Variants in SIN3B observed in about 807,000 individuals in gnomAD.
The protein encoded by SIN3B is paired amphipathic helix protein Sin3b.
SIN3B carries 19 observed loss-of-function variants against 120.2 expected under a neutral mutation model. The ratio of observed to expected loss-of-function variants is 0.16; its 90% CI spans 0.11 to 0.23. The LOEUF (loss-of-function observed/expected upper bound fraction) is 0.23. Ranked by LOEUF, SIN3B falls within the 10% of genes least tolerant of loss-of-function variation. SIN3B has a pLI of 1.00. For synonymous variants in SIN3B, 654 were observed against 653.2 expected (o/e 1.00, Z -0.02); for missense variants, 1,073 against 1,573.0 (o/e 0.68, Z 5.38).
intron 3 of SIN3B, among the ~76,000 whole-genome samples, chr19:16,839,916 A>AT (rs1469668313): frequency 3.3e-5 from 5 of 152,072 alleles, no homozygotes; most frequent in African/African-American, 1.2e-4. Context: ...ACTCAGGAGA[A>AT]TCACTTGAAC....
chr19:16,842,016 T>C, intron 4 of SIN3B, 48 bp downstream of exon 4: 3 of 1,431,496 alleles, frequency 2.1e-6, no homozygotes, highest in Non-Finnish European at 2.9e-6. Context: ...TTTCATCCAG[T>C]TTGGGGCCCT....
At chr19:16,836,124 G>A (rs1249812521) in intron 3 of SIN3B, among the ~76,000 whole-genome samples, 1 of 152,150 alleles carries the variant, frequency 6.6e-6, no homozygotes, top group Non-Finnish European at 1.5e-5. Context: ...CAGCTTTGGG[G>A]GCCAGACTGT....
Position 16,876,373 on chromosome 19 carries a change from G to A in SIN3B, c.2767-113G>A. 7.2e-7 allele frequency: 1 copy of A among 1,383,624 alleles called. No individual in the cohort carries two copies. Among genetic ancestry groups the A allele is most frequent in the Non-Finnish European group, 9.9e-7 (1 of 1,007,328 alleles). 85.7% of individuals were successfully genotyped at this position (1,383,624 alleles called of 1,614,324 possible). ...ATGAGGTACCTTTGACCTGCAGGAAGCATCAGGGCTTTGGGAGGGTGGCAA... is the reference window on the plus strand; with the variant it reads ...ATGAGGTACCTTTGACCTGCAGGAAACATCAGGGCTTTGGGAGGGTGGCAA... On this transcript the variant is annotated intron_variant, in intron 15 of 18. Transcript: ENST00000248054. This position sits in a 1 kb window ranked among gnomAD's most constrained non-coding sequence, Gnocchi z 7.1.
intron 4 of SIN3B, chr19:16,844,171 C>T (rs562463861): frequency 1.3e-5 from 2 of 152,250 alleles, no homozygotes; most frequent in African/African-American, 2.4e-5. Context: ...TAAACAAGGC[C>T]CCTGGTGACT....
intron 4 of SIN3B, among the ~76,000 whole-genome samples, chr19:16,844,911 A>G (rs1971461055): frequency 6.6e-6 from 1 of 152,174 alleles, no homozygotes; most frequent in African/African-American, 2.4e-5. Context: ...GCTGGCCCCT[A>G]GCACAGGGGA....
chr19:16,852,843 C>G (rs16981445), intron 6 of SIN3B, among the ~76,000 whole-genome samples: 1,582 of 152,290 alleles, frequency 0.01, 26 homozygotes, highest in African/African-American at 0.035. Flanking sequence ...CAAAGCCCTA[C>G]CCTGCTGAGA....
At chr19:16,841,697 G>T in intron 3 of SIN3B, 71 bp from the exon 4 acceptor site, 6 of 1,407,186 alleles carry the variant, frequency 4.3e-6, no homozygotes, top group Non-Finnish European at 6.0e-6. Context: ...GCAGACAGTG[G>T]CTGGGCCTGG....
chr19:16,874,966 C>T (rs1429570166), intron 14 of SIN3B, among the ~76,000 whole-genome samples: 4 of 143,464 alleles, frequency 2.8e-5, no homozygotes, highest in Non-Finnish European at 4.5e-5. Flanking sequence ...TGGTTTTGGT[C>T]TGGTCTGATT....
rs2051650883 is a variant in SIN3B, at chr19:16,878,817, TGA to T, written c.*94_*95del. ...GTCGGGGCCGTTTTCTTGAACGACG[TGA>T]GAGGCATCTCCCAGCCCCTCTGCTG... On this transcript the variant is annotated 3_prime_UTR_variant, in exon 19 of 19. Coordinates refer to ENST00000248054, the MANE Select transcript of SIN3B (RefSeq NM_001297595.2). The T allele has an allele frequency of 1.8e-6, 2 of 1,140,334 alleles. No homozygotes were observed. Among genetic ancestry groups the T allele is most frequent in the Non-Finnish European group, 2.5e-6 (2 of 810,424 alleles). 70.6% of individuals were successfully genotyped at this position (1,140,334 alleles called of 1,614,324 possible).
intron 3 of SIN3B, among the ~76,000 whole-genome samples, chr19:16,838,921 C>T (rs566053925): frequency 1.4e-5 from 2 of 144,848 alleles, no homozygotes; most frequent in South Asian, 2.2e-4. Context: ...ATCCGCCATC[C>T]TTGGCCTCCC....
At chr19:16,877,921 T>G (rs2051632098) in intron 17 of SIN3B, among the ~76,000 whole-genome samples, 2 of 152,092 alleles carry the variant, frequency 1.3e-5, no homozygotes, top group African/African-American at 2.4e-5. Flanking sequence ...CCAGAGCTGG[T>G]GGGGCCAGGC....
At chr19:16,833,171 G>T (rs1457621859) in intron 3 of SIN3B, among the ~76,000 whole-genome samples, 1 of 152,198 alleles carries the variant, frequency 6.6e-6, no homozygotes, top group Non-Finnish European at 1.5e-5. Flanking sequence ...AGCAGGGAGT[G>T]TCAGAATCTA....
At chr19:16,833,928 T>C (rs1971312063) in intron 3 of SIN3B, among the ~76,000 whole-genome samples, 1 of 151,962 alleles carries the variant, frequency 6.6e-6, no homozygotes, top group African/African-American at 2.4e-5. Flanking sequence ...GGTTTCGCCA[T>C]GTTGGTCAGG....
intron 2 of SIN3B, 61 bp downstream of exon 2, chr19:16,829,958 G>T: frequency 8.6e-7 from 1 of 1,158,804 alleles, no homozygotes. Context: ...GGGCCTAGCG[G>T]GGTGAGACCT....
intron 2 of SIN3B, among the ~76,000 whole-genome samples, 165 bp from the exon 3 acceptor site, chr19:16,831,329 C>T (rs1971275955): frequency 6.6e-6 from 1 of 152,142 alleles, no homozygotes; most frequent in Non-Finnish European, 1.5e-5. Flanking sequence ...TCCTAAAGTG[C>T]TGGGATTACA....
chr19:16,833,452 T>C (rs563246707), intron 3 of SIN3B, among the ~76,000 whole-genome samples: 1 of 152,052 alleles, frequency 6.6e-6, no homozygotes, highest in East Asian at 2.0e-4. Flanking sequence ...GCCATCATGG[T>C]GAAACCCTGT....
Position 16,874,271 on chromosome 19 carries a change from TG to T in SIN3B, c.2593-1782del, listed in dbSNP as rs577581009. ...TTTCTCACACCCGGGCAGGGTTTGC[TG>T]GTCTGGCCTGGTCTGTTTTGTTCAG... On this transcript the variant is annotated intron_variant, in intron 14 of 18. Coordinates refer to ENST00000248054, the MANE Select transcript of SIN3B (RefSeq NM_001297595.2). Among the ~76,000 whole-genome samples, 19 of 152,356 alleles carry T rather than the reference TG, an allele frequency of 1.2e-4. No individual in the cohort carries two copies. The South Asian group carries it at 3.9e-3, about 32-fold the overall frequency.
chr19:16,863,721 G>C lies in SIN3B; in HGVS notation c.1308G>C (p.Glu436Asp). 1 of 1,614,174 alleles carries C rather than the reference G, an allele frequency of 6.2e-7. No individual in the cohort carries two copies. Among genetic ancestry groups the C allele is most frequent in the Non-Finnish European group, 8.5e-7 (1 of 1,180,014 alleles). ...DTWVSFPSWS[E>D]DSTFVSSKKT... ...GGGTCTCCTTCCCTTCCTGGTCTGA[G>C]GACTCCACGTTCGTCAGCTCCAAGA... is the stretch of plus-strand genomic sequence containing the variant. Residue 436 changes from glutamate to aspartate, a missense_variant, in exon 10 of 19, where the codon GAG (glutamate) becomes GAC (aspartate). By Grantham distance (45) the Glu-to-Asp change is conservative. Transcript: ENST00000248054.
intron 4 of SIN3B, among the ~76,000 whole-genome samples, chr19:16,845,398 G>C (rs972055937): frequency 2.0e-5 from 3 of 149,346 alleles, no homozygotes; most frequent in African/African-American, 7.4e-5. Flanking sequence ...TCAACCTCCC[G>C]AGTAGCTGGG....
Sources: allele counts gnomAD v4.1 joint callset (sites outside exome capture counted in the v4.1 genomes callset), GRCh38; gene constraint gnomAD v4.1.1; non-coding constraint Gnocchi (gnomAD v3.1); transcripts MANE v1.5; gene names NCBI Gene and HGNC (gene_info 2026-07-23, HGNC 2026-07-21).